Variants in SLC2A13 observed in about 807,000 individuals in gnomAD.
The protein encoded by SLC2A13 is solute carrier family 2 member 13.
SLC2A13 carries 32 observed loss-of-function variants against 64.4 expected under a neutral mutation model. That is an observed-to-expected ratio of 0.50 (90% CI 0.37 to 0.67). SLC2A13 has a LOEUF of 0.67. Ranked by LOEUF, SLC2A13 falls within the 30% of genes least tolerant of loss-of-function variation. The pLI, the probability that SLC2A13 is intolerant of heterozygous loss-of-function variation, is 0.00. For synonymous variants in SLC2A13, 338 were observed against 327.1 expected (o/e 1.03, Z -0.36); for missense variants, 743 against 829.2 (o/e 0.90, Z 1.28).
intron 4 of SLC2A13, among the ~76,000 whole-genome samples, chr12:39,885,689 G>A (rs1229956379): frequency 4.6e-5 from 7 of 152,082 alleles, no homozygotes; most frequent in South Asian, 2.1e-4. Context: ...CTTCTACCTC[G>A]TGAATCATGG....
chr12:39,931,761 A>G (rs1000488248), intron 4 of SLC2A13, among the ~76,000 whole-genome samples: 2 of 152,190 alleles, frequency 1.3e-5, no homozygotes, highest in Non-Finnish European at 2.9e-5. Flanking sequence ...GGACTCTGCA[A>G]AGCCTAATGA....
chr12:40,064,601 C>T (rs914317779), intron 1 of SLC2A13, among the ~76,000 whole-genome samples: 7 of 152,072 alleles, frequency 4.6e-5, no homozygotes, highest in African/African-American at 1.7e-4. Context: ...TTAAAATTAC[C>T]AAAATCAGAA....
intron 3 of SLC2A13, among the ~76,000 whole-genome samples, chr12:39,976,428 TA>T (rs1946758744): frequency 6.6e-6 from 1 of 152,232 alleles, no homozygotes; most frequent in Non-Finnish European, 1.5e-5. Flanking sequence ...ACAAGAGAGA[TA>T]TATTCTAGCT....
intron 7 of SLC2A13, chr12:39,819,883 A>G (rs1346442133): frequency 6.5e-6 from 1 of 154,772 alleles, no homozygotes; most frequent in Non-Finnish European, 1.4e-5. Flanking sequence ...TCACTGCCCA[A>G]TAATACATTT....
chr12:39,908,333 G>T (rs1945345250), intron 4 of SLC2A13: 2 of 151,840 alleles, frequency 1.3e-5, no homozygotes, highest in South Asian at 4.2e-4. Flanking sequence ...CTGGGGTTAT[G>T]AGTACAGAGA....
intron 4 of SLC2A13, among the ~76,000 whole-genome samples, chr12:39,946,757 G>A (rs914339971): frequency 6.6e-6 from 1 of 152,178 alleles, no homozygotes; most frequent in African/African-American, 2.4e-5. Context: ...GGGCGAGATG[G>A]GCTTGAAAAT....
At chr12:40,082,259 T>A (rs1265769067) in intron 1 of SLC2A13, among the ~76,000 whole-genome samples, 1 of 152,030 alleles carries the variant, frequency 6.6e-6, no homozygotes, top group Admixed American at 6.6e-5. Context: ...AGCCAGGAGG[T>A]TAAGAAAGAT....
intron 3 of SLC2A13, among the ~76,000 whole-genome samples, chr12:39,988,062 G>A (rs1277557042): frequency 3.3e-5 from 5 of 151,870 alleles, no homozygotes; most frequent in Non-Finnish European, 7.4e-5. Flanking sequence ...CCAGTTTTTC[G>A]CGACTACAAA....
At chr12:39,973,185 G>A (rs1488080090) in intron 3 of SLC2A13, among the ~76,000 whole-genome samples, 1 of 152,154 alleles carries the variant, frequency 6.6e-6, no homozygotes, top group African/African-American at 2.4e-5. Context: ...AATTGTTCTT[G>A]TCAAGCTCTC....
At chr12:40,009,082 T>C (rs1947475120) in intron 3 of SLC2A13, among the ~76,000 whole-genome samples, 1 of 152,202 alleles carries the variant, frequency 6.6e-6, no homozygotes, top group Non-Finnish European at 1.5e-5. Context: ...TATGATACTA[T>C]TACCATAAAA....
intron 7 of SLC2A13, among the ~76,000 whole-genome samples, chr12:39,777,848 C>CCAAG (rs1940831191): frequency 6.6e-6 from 1 of 152,194 alleles, no homozygotes; most frequent in African/African-American, 2.4e-5. Flanking sequence ...CACTCATTCT[C>CCAAG]CAAGTCCACG....
At chr12:40,095,875 T>A (rs1938923303) in intron 1 of SLC2A13, among the ~76,000 whole-genome samples, 1 of 152,116 alleles carries the variant, frequency 6.6e-6, no homozygotes, top group Non-Finnish European at 1.5e-5. Flanking sequence ...AAGCAGAAAA[T>A]CATATTTTCC....
chr12:40,084,113 T>C (rs1271831096), intron 1 of SLC2A13, among the ~76,000 whole-genome samples: 1 of 152,258 alleles, frequency 6.6e-6, no homozygotes, highest in Non-Finnish European at 1.5e-5. Context: ...ACTGATATAT[T>C]TGAATGTGTC....
chr12:40,036,952 T>C (rs1222311249), intron 2 of SLC2A13, among the ~76,000 whole-genome samples: 3 of 152,204 alleles, frequency 2.0e-5, no homozygotes, highest in Non-Finnish European at 2.9e-5. Context: ...TTATCATAAA[T>C]GAATGTTATT....
chr12:40,049,411 T>C, intron 1 of SLC2A13, among the ~76,000 whole-genome samples: 1 of 152,134 alleles, frequency 6.6e-6, no homozygotes, highest in East Asian at 1.9e-4. Context: ...AAGAAACCTG[T>C]TGCTGTGTTT....
At chr12:39,975,724 T>C (rs1444655800) in intron 3 of SLC2A13, among the ~76,000 whole-genome samples, 5 of 152,240 alleles carry the variant, frequency 3.3e-5, no homozygotes, top group African/African-American at 7.2e-5. Context: ...AAACTTCAGA[T>C]GACTCATGCA....
intron 4 of SLC2A13, among the ~76,000 whole-genome samples, chr12:39,876,977 G>C (rs1339220461): frequency 2.6e-5 from 4 of 152,134 alleles, no homozygotes; most frequent in African/African-American, 9.6e-5. Context: ...ATGTTCTTTA[G>C]CTCTTTTAGT....
At chr12:39,807,734 C>A (rs1592156113) in intron 7 of SLC2A13, among the ~76,000 whole-genome samples, 1 of 152,132 alleles carries the variant, frequency 6.6e-6, no homozygotes, top group African/African-American at 2.4e-5. Flanking sequence ...TAAGTGCACC[C>A]TTTCAATTAT....
At chr12:39,898,046 ACAT>A (rs1944973630) in intron 4 of SLC2A13, among the ~76,000 whole-genome samples, 1 of 152,120 alleles carries the variant, frequency 6.6e-6, no homozygotes, top group African/African-American at 2.4e-5. Context: ...ACTGAATAGT[ACAT>A]CATTATATTG....
Sources: gnomAD v4.1 joint callset for allele counts (sites outside exome capture counted in the v4.1 genomes callset) on GRCh38, gnomAD v4.1.1 for gene constraint, MANE v1.5 for transcripts, NCBI Gene and HGNC (gene_info 2026-07-23, HGNC 2026-07-21) for gene names.